Variants in ZNF423 observed in about 807,000 individuals in gnomAD.
ZNF423 encodes the protein Ebf-associated zinc finger protein.
ZNF423 carries 12 observed loss-of-function variants against 95.8 expected under a neutral mutation model. That is an observed-to-expected ratio of 0.13 (90% CI 0.08 to 0.20). The LOEUF is 0.20. Among genes scored for constraint, ZNF423 ranks in the 10% least tolerant of loss-of-function variants. The probability of loss-of-function intolerance (pLI) is 1.00; values close to 1 mark genes in which losing one functional copy is unlikely to be tolerated. For missense variants in ZNF423, 1,316 were observed against 1,737.1 expected (o/e 0.76, Z 4.31); for synonymous variants, 749 against 711.9 (o/e 1.05, Z -0.83).
At chr16:49,825,773 C>G (rs988192520) in intron 1 of ZNF423, among the ~76,000 whole-genome samples, 1 of 152,194 alleles carries the variant, frequency 6.6e-6, no homozygotes, top group African/African-American at 2.4e-5. Flanking sequence ...TGAGCGAGGG[C>G]GTGAATGAAC....
chr16:49,855,290 G>A lies in ZNF423; in HGVS notation c.40+445C>T, dbSNP rs1276529736. Among the ~76,000 whole-genome samples the A allele has an allele frequency of 2.0e-5, 3 of 151,380 alleles. No homozygotes were observed. The highest frequency in any genetic ancestry group is 7.3e-5 in the African/African-American group (3 of 41,326). On this transcript the variant is annotated intron_variant, in intron 1 of 7. Coordinates refer to ENST00000563137, the MANE Select transcript of ZNF423 (RefSeq NM_001379286.1). The surrounding 1 kb of genome is among the most constrained non-coding windows in gnomAD (Gnocchi z 4.7). Reference sequence around the variant, plus strand: ...CAGCGAGGAGCGGTCGGCCTGCCGGGCGCCCGTCCTCGCCGCCTCTTCCTT... The same window carrying A: ...CAGCGAGGAGCGGTCGGCCTGCCGGACGCCCGTCCTCGCCGCCTCTTCCTT...
chr16:49,743,731 C>T (rs1008650220), intron 2 of ZNF423, among the ~76,000 whole-genome samples: 5 of 151,998 alleles, frequency 3.3e-5, no homozygotes, highest in African/African-American at 1.2e-4. Context: ...CACCAATGAT[C>T]CTCCTACCAA....
At chr16:49,812,069 C>A (rs1226167073) in intron 1 of ZNF423, among the ~76,000 whole-genome samples, 2 of 152,354 alleles carry the variant, frequency 1.3e-5, no homozygotes, top group African/African-American at 4.8e-5. Flanking sequence ...GGTGACTAGG[C>A]GGGGTGCTCC....
chr16:49,838,712 G>T (rs565149261), intron 1 of ZNF423, among the ~76,000 whole-genome samples: 22 of 151,996 alleles, frequency 1.4e-4, no homozygotes, highest in Non-Finnish European at 2.1e-4. Context: ...CGGGCGGCCG[G>T]GGGGCGGCCC....
chr16:49,647,013 G>A (rs1567530431), intron 3 of ZNF423, among the ~76,000 whole-genome samples: 1 of 152,204 alleles, frequency 6.6e-6, no homozygotes, highest in South Asian at 2.1e-4. Context: ...AGTAACTTCT[G>A]AGCGCACAGA....
At chr16:49,746,527 G>C (rs1202164251) in intron 2 of ZNF423, among the ~76,000 whole-genome samples, 5 of 152,140 alleles carry the variant, frequency 3.3e-5, no homozygotes, top group Non-Finnish European at 7.3e-5. Context: ...ACCCTGGCTG[G>C]AGAGCAGTGG....
intron 7 of ZNF423, among the ~76,000 whole-genome samples, chr16:49,491,563 T>TC (rs57100904): frequency 2.0e-5 from 3 of 148,238 alleles, no homozygotes; most frequent in Non-Finnish European, 3.0e-5. Flanking sequence ...TTTTTTTTTT[T>TC]AAAGACCATT....
At chr16:49,704,167 C>T (rs538163325) in intron 3 of ZNF423, among the ~76,000 whole-genome samples, 1 of 152,134 alleles carries the variant, frequency 6.6e-6, no homozygotes, top group Admixed American at 6.5e-5. Context: ...CCTGGCTGTG[C>T]CATAGCCAGA....
intron 3 of ZNF423, among the ~76,000 whole-genome samples, chr16:49,714,248 C>T (rs1229806715): frequency 6.6e-6 from 1 of 152,150 alleles, no homozygotes; most frequent in African/African-American, 2.4e-5. Context: ...ACGAAGCACC[C>T]GGTGCTTACC....
upstream of ZNF423, among the ~76,000 whole-genome samples, chr16:49,856,477 A>T (rs1468092981): frequency 6.6e-6 from 1 of 150,486 alleles, no homozygotes; most frequent in African/African-American, 2.4e-5. Flanking sequence ...CACAAAAAAA[A>T]ATAATAAATA....
At chr16:49,792,855 G>A (rs963156693) in intron 1 of ZNF423, among the ~76,000 whole-genome samples, 11 of 152,134 alleles carry the variant, frequency 7.2e-5, no homozygotes, top group African/African-American at 2.7e-4. Flanking sequence ...TTGACTTCCT[G>A]GGCTCAAGTG....
At chr16:49,692,532 C>T (rs2031823584) in intron 3 of ZNF423, among the ~76,000 whole-genome samples, 1 of 152,232 alleles carries the variant, frequency 6.6e-6, no homozygotes, top group Admixed American at 6.5e-5. Flanking sequence ...CTGACCCCCA[C>T]TGCCTCCTTT....
At chr16:49,718,653 G>A (rs1159157940) in intron 3 of ZNF423, among the ~76,000 whole-genome samples, 1 of 152,174 alleles carries the variant, frequency 6.6e-6, no homozygotes, top group Non-Finnish European at 1.5e-5. Context: ...CAGTTCTGGA[G>A]GCCGGGAAGT....
At chr16:49,532,872 G>A (rs930709808) in intron 5 of ZNF423, among the ~76,000 whole-genome samples, 2 of 152,138 alleles carry the variant, frequency 1.3e-5, no homozygotes, top group Admixed American at 6.5e-5. Flanking sequence ...CCACAATGCT[G>A]TCGACACCGC....
chr16:49,503,060 TC>T (rs918430554), intron 7 of ZNF423, among the ~76,000 whole-genome samples: 5 of 141,246 alleles, frequency 3.5e-5, no homozygotes, highest in Admixed American at 2.1e-4. Flanking sequence ...TACCCTCGAA[TC>T]CCCCCCCAGA....
chr16:49,604,637 A>G (rs980205030), intron 5 of ZNF423, among the ~76,000 whole-genome samples: 4 of 152,184 alleles, frequency 2.6e-5, no homozygotes, highest in African/African-American at 9.7e-5. Flanking sequence ...TGAGGGATGC[A>G]CAATCACGGT....
intron 2 of ZNF423, among the ~76,000 whole-genome samples, chr16:49,773,251 G>A (rs928177394): frequency 1.3e-5 from 2 of 151,898 alleles, no homozygotes; most frequent in Non-Finnish European, 2.9e-5. Flanking sequence ...CCCAGGAGGC[G>A]AAAATTGCAG....
At chr16:49,587,944 A>G (rs978933856) in intron 5 of ZNF423, among the ~76,000 whole-genome samples, 2 of 152,156 alleles carry the variant, frequency 1.3e-5, no homozygotes, top group African/African-American at 2.4e-5. Flanking sequence ...TCCCACGCAC[A>G]CATAACCAGG....
chr16:49,549,653 G>A (rs564182059), intron 5 of ZNF423, among the ~76,000 whole-genome samples: 1 of 152,294 alleles, frequency 6.6e-6, no homozygotes, highest in South Asian at 2.1e-4. Context: ...CTAATGTGCT[G>A]AATACTTTAC....
Sources: allele counts gnomAD v4.1 joint callset (sites outside exome capture counted in the v4.1 genomes callset), GRCh38; gene constraint gnomAD v4.1.1; non-coding constraint Gnocchi (gnomAD v3.1); transcripts MANE v1.5; gene names NCBI Gene and HGNC (gene_info 2026-07-23, HGNC 2026-07-21).